L3MBTL4: variants seen among roughly 807,000 people sequenced by gnomAD.
L3MBTL4 encodes L3MBTL histone methyl-lysine binding protein 4.
A neutral mutation model predicts 84.5 loss-of-function variants in L3MBTL4; 70 were observed. The observed-to-expected ratio is 0.83, with a 90% CI of 0.68 to 1.01. The LOEUF (loss-of-function observed/expected upper bound fraction) is 1.01. Among genes scored for constraint, L3MBTL4 ranks in the 50% least tolerant of loss-of-function variants. L3MBTL4 has a pLI of 0.00. For synonymous variants in L3MBTL4, 274 were observed against 259.8 expected (o/e 1.05, Z -0.52); for missense variants, 715 against 754.8 (o/e 0.95, Z 0.62).
intron 3 of L3MBTL4, among the ~76,000 whole-genome samples, chr18:6,304,599 C>A (rs1035783403): frequency 6.6e-6 from 1 of 152,200 alleles, no homozygotes; most frequent in South Asian, 2.1e-4. Flanking sequence ...GCAAAGCCAC[C>A]ACCTTTTAGC....
chr18:6,015,102 A>G lies in L3MBTL4; in HGVS notation c.1445-45540T>C, dbSNP rs551017473. Reference sequence around the variant, plus strand: ...AAATGGAGTATTTAGCAAGCAGCTGAATTTGTGAGTTAGGAGCTCAGGATA... The same window carrying G: ...AAATGGAGTATTTAGCAAGCAGCTGGATTTGTGAGTTAGGAGCTCAGGATA... On this transcript the variant is annotated intron_variant, in intron 16 of 18. Transcript: ENST00000317931. Among the ~76,000 whole-genome samples, 58 of 152,152 alleles carry G rather than the reference A, an allele frequency of 3.8e-4. No individual in the cohort carries two copies. In the South Asian group the frequency reaches 4.8e-3, roughly 13 times the overall value.
chr18:6,363,254 C>G (rs566663409), intron 1 of L3MBTL4, among the ~76,000 whole-genome samples: 1 of 152,290 alleles, frequency 6.6e-6, no homozygotes, highest in Admixed American at 6.5e-5. Context: ...TAACAAACCC[C>G]TTCATGGAAA....
At chr18:6,269,986 A>C (rs2048796813) in intron 4 of L3MBTL4, among the ~76,000 whole-genome samples, 1 of 152,206 alleles carries the variant, frequency 6.6e-6, no homozygotes, top group Non-Finnish European at 1.5e-5. Context: ...TCCCAATTCC[A>C]TTAGCCATAA....
At chr18:6,040,114 C>G (rs1200224577) in intron 16 of L3MBTL4, among the ~76,000 whole-genome samples, 2 of 152,118 alleles carry the variant, frequency 1.3e-5, no homozygotes, top group Non-Finnish European at 2.9e-5. Flanking sequence ...ATTAAAAATA[C>G]TTGGAATCTT....
At chr18:6,287,831 T>TTAAGATTTAAG (rs1348704232) in intron 4 of L3MBTL4, among the ~76,000 whole-genome samples, 5 of 152,214 alleles carry the variant, frequency 3.3e-5, no homozygotes, top group Admixed American at 3.3e-4. Context: ...TAAGATTACC[T>TTAAGATTTAAG]ATTTAAATAA....
At chr18:6,009,641 T>A (rs1212079309) in intron 16 of L3MBTL4, among the ~76,000 whole-genome samples, 1 of 152,180 alleles carries the variant, frequency 6.6e-6, no homozygotes, top group African/African-American at 2.4e-5. Context: ...CCTGTAATCA[T>A]CTCTAGATTA....
At chr18:6,291,692 A>C (rs1022207749) in intron 4 of L3MBTL4, among the ~76,000 whole-genome samples, 1 of 152,214 alleles carries the variant, frequency 6.6e-6, no homozygotes, top group Non-Finnish European at 1.5e-5. Context: ...ATACACAGAA[A>C]TCAAATCAAA....
At chr18:6,329,683 G>T (rs1309212526) in intron 1 of L3MBTL4, among the ~76,000 whole-genome samples, 1 of 152,140 alleles carries the variant, frequency 6.6e-6, no homozygotes. Context: ...GTATGACATG[G>T]TGAGGGGGCT....
chr18:6,066,090 T>C (rs2057388885), intron 16 of L3MBTL4, among the ~76,000 whole-genome samples: 1 of 152,182 alleles, frequency 6.6e-6, no homozygotes, highest in South Asian at 2.1e-4. Context: ...TTTTCTAATT[T>C]AGACCTTGAT....
chr18:6,354,964 C>T (rs1485561230), intron 1 of L3MBTL4, among the ~76,000 whole-genome samples: 2 of 152,142 alleles, frequency 1.3e-5, no homozygotes, highest in Non-Finnish European at 2.9e-5. Flanking sequence ...ATGAGCATAT[C>T]AAAGAGATTT....
intron 14 of L3MBTL4, among the ~76,000 whole-genome samples, chr18:6,130,401 A>T (rs1422192679): frequency 6.6e-6 from 1 of 152,184 alleles, no homozygotes; most frequent in African/African-American, 2.4e-5. Context: ...ATAAGTTTCC[A>T]CTAAGAGCAC....
intron 16 of L3MBTL4, among the ~76,000 whole-genome samples, chr18:6,009,620 C>T (rs1239089898): frequency 1.3e-5 from 2 of 152,132 alleles, no homozygotes; most frequent in African/African-American, 2.4e-5. Context: ...CTATGCACAC[C>T]CTCCCGTATA....
At chr18:6,134,469 T>A (rs1410697762) in intron 14 of L3MBTL4, among the ~76,000 whole-genome samples, 1 of 152,094 alleles carries the variant, frequency 6.6e-6, no homozygotes, top group Non-Finnish European at 1.5e-5. Flanking sequence ...ACATAGCAAG[T>A]CCCTTCTGCC....
chr18:6,310,541 A>G (rs7231162), intron 3 of L3MBTL4, among the ~76,000 whole-genome samples: 27,931 of 152,114 alleles, frequency 0.18, 2,632 homozygotes, highest in Middle Eastern at 0.22. Context: ...GAACTGAACC[A>G]AAAGAAAATG....
chr18:6,336,369 G>A (rs372248012), intron 1 of L3MBTL4, among the ~76,000 whole-genome samples: 1 of 152,220 alleles, frequency 6.6e-6, no homozygotes, highest in South Asian at 2.1e-4. Flanking sequence ...CCAGAGGATC[G>A]AAATTGGAGA....
At chr18:6,092,519 C>T (rs1041298019) in intron 15 of L3MBTL4, among the ~76,000 whole-genome samples, 1 of 152,224 alleles carries the variant, frequency 6.6e-6, no homozygotes. Flanking sequence ...CTTGCACAGT[C>T]AGGGTCTAGG....
At chr18:6,006,597 C>T (rs961246483) in intron 16 of L3MBTL4, among the ~76,000 whole-genome samples, 1 of 152,114 alleles carries the variant, frequency 6.6e-6, no homozygotes, top group African/African-American at 2.4e-5. Context: ...AATGACTACC[C>T]CATAACCCAA....
At chr18:6,327,480 A>C (rs2051787173) in intron 1 of L3MBTL4, among the ~76,000 whole-genome samples, 1 of 152,222 alleles carries the variant, frequency 6.6e-6, no homozygotes. Flanking sequence ...TCTATAAAAT[A>C]TATTTGAACC....
chr18:6,200,808 T>C (rs2045617393), intron 12 of L3MBTL4, among the ~76,000 whole-genome samples: 1 of 152,244 alleles, frequency 6.6e-6, no homozygotes, highest in Non-Finnish European at 1.5e-5. Flanking sequence ...ACCAATGAAT[T>C]CAATTTTCTA....
Sources: allele counts gnomAD v4.1 joint callset (sites outside exome capture counted in the v4.1 genomes callset), GRCh38; gene constraint gnomAD v4.1.1; transcripts MANE v1.5; gene names NCBI Gene and HGNC (gene_info 2026-07-23, HGNC 2026-07-21).